Variants in CADPS observed in about 807,000 individuals in gnomAD.
CADPS encodes calcium-dependent secretion activator 1.
CADPS carries 57 observed loss-of-function variants against 167.3 expected under a neutral mutation model. The ratio of observed to expected loss-of-function variants is 0.34; its 90% CI spans 0.28 to 0.42. CADPS has a LOEUF of 0.42. CADPS is among the 20% of genes least tolerant of loss of function. The probability of loss-of-function intolerance (pLI) is 1.00; values close to 1 mark genes in which losing one functional copy is unlikely to be tolerated. For synonymous variants in CADPS, 676 were observed against 635.3 expected, an observed-to-expected ratio of 1.06 and a Z score of -0.96; for missense variants, 1,414 against 1,738.1, an observed-to-expected ratio of 0.81 and a Z score of 3.32.
At chr3:62,728,484 T>C (rs1360535522) in intron 3 of CADPS, among the ~76,000 whole-genome samples, 1 of 151,940 alleles carries the variant, frequency 6.6e-6, no homozygotes, top group Non-Finnish European at 1.5e-5. Context: ...TCTGACTATA[T>C]CTTCATTTCC....
intron 1 of CADPS, among the ~76,000 whole-genome samples, chr3:62,819,728 T>C (rs2094809565): frequency 1.3e-5 from 2 of 152,172 alleles, no homozygotes; most frequent in Non-Finnish European, 2.9e-5. Context: ...ATTTTAAAAA[T>C]CCTGGACATC....
At chr3:62,610,921 T>C (rs2061421678) in intron 6 of CADPS, among the ~76,000 whole-genome samples, 1 of 151,986 alleles carries the variant, frequency 6.6e-6, no homozygotes, top group Admixed American at 6.6e-5. Flanking sequence ...CAGAATACAT[T>C]TGCAGTGTCT....
chr3:62,803,558 A>T (rs969786073), intron 1 of CADPS, among the ~76,000 whole-genome samples: 2 of 151,990 alleles, frequency 1.3e-5, no homozygotes, highest in African/African-American at 4.8e-5. Context: ...CAGTGGGGAG[A>T]TGAGAAACCC....
intron 16 of CADPS, 143 bp downstream of exon 16, chr3:62,515,916 C>A (rs1012807131): frequency 8.9e-5 from 83 of 931,464 alleles, no homozygotes; most frequent in Non-Finnish European, 1.2e-4. Context: ...AAGGAAACTT[C>A]GACATTTCAG....
At chr3:62,445,043 G>A (rs2056975942) in intron 27 of CADPS, among the ~76,000 whole-genome samples, 1 of 151,956 alleles carries the variant, frequency 6.6e-6, no homozygotes, top group Non-Finnish European at 1.5e-5. Context: ...ATTTTATTTT[G>A]CTAATAGGCA....
At chr3:62,532,715 CTTTG>C (rs776901862) in intron 13 of CADPS, among the ~76,000 whole-genome samples, 152 bp downstream of exon 13, 862 of 66,144 alleles carry the variant, frequency 0.013, 6 homozygotes, top group African/African-American at 0.044. Context: ...AGTTAGTGCC[CTTTG>C]TGTGTGTGTG....
chr3:62,480,481 A>G (rs1289155876), intron 22 of CADPS, among the ~76,000 whole-genome samples: 1 of 152,182 alleles, frequency 6.6e-6, no homozygotes. Context: ...CACATTGACC[A>G]TATGATTTTA....
chr3:62,782,466 A>G (rs1559596046), intron 1 of CADPS, among the ~76,000 whole-genome samples: 1 of 152,246 alleles, frequency 6.6e-6, no homozygotes, highest in Non-Finnish European at 1.5e-5. Context: ...CATGAGGCCC[A>G]ATGGATGACA....
intron 6 of CADPS, among the ~76,000 whole-genome samples, chr3:62,614,982 C>T (rs2062036616): frequency 6.6e-6 from 1 of 152,152 alleles, no homozygotes; most frequent in South Asian, 2.1e-4. Context: ...GTGTCAGATA[C>T]CATTGAGAGC....
intron 3 of CADPS, among the ~76,000 whole-genome samples, chr3:62,697,684 T>C (rs527384429): frequency 1.3e-5 from 2 of 152,262 alleles, no homozygotes; most frequent in Admixed American, 6.5e-5. Context: ...ATCTGCACAC[T>C]GGCTTCCGTA....
intron 3 of CADPS, among the ~76,000 whole-genome samples, chr3:62,705,429 A>G (rs2082142364): frequency 6.6e-6 from 1 of 152,134 alleles, no homozygotes; most frequent in Admixed American, 6.5e-5. Flanking sequence ...TTGAGTGTCA[A>G]CTTGATTGGA....
intron 1 of CADPS, among the ~76,000 whole-genome samples, chr3:62,849,293 G>T (rs1459481455): frequency 6.8e-6 from 1 of 147,378 alleles, no homozygotes; most frequent in Non-Finnish European, 1.5e-5. Flanking sequence ...GATTGCCCTG[G>T]CCAGAACTTC....
intron 1 of CADPS, among the ~76,000 whole-genome samples, chr3:62,795,339 C>T (rs1466937265): frequency 6.6e-6 from 1 of 152,090 alleles, no homozygotes; most frequent in East Asian, 1.9e-4. Flanking sequence ...CCCCAGAGTA[C>T]TTACCATTAA....
intron 13 of CADPS, among the ~76,000 whole-genome samples, chr3:62,527,930 T>C (rs2072708466): frequency 6.6e-6 from 1 of 152,110 alleles, no homozygotes; most frequent in South Asian, 2.1e-4. Context: ...GTCATGCTGG[T>C]GAAAGGTTTG....
At position 62,474,250 on chromosome 3, in the gene CADPS, T is replaced by C. The variant is rs199647496; in HGVS notation, c.3400A>G (p.Ile1134Val). ...ACCATAACATTAAACATGGTGCATATTGACTGTGGGACTCGAAAATCTGTT... is the reference window on the plus strand; with the variant it reads ...ACCATAACATTAAACATGGTGCATACTGACTGTGGGACTCGAAAATCTGTT... The part of the protein sequence containing the change: ...RSTDFRVPQS[I>V]CTMFNVMVDA... Residue 1134 changes from isoleucine to valine, a missense_variant, in exon 24 of 30, where the codon ATA (isoleucine) becomes GTA (valine). This residue lies in a region of CADPS where 19 missense variants were observed against 49.4 expected (regional missense o/e 0.38). Coordinates refer to ENST00000383710, the MANE Select transcript of CADPS (RefSeq NM_003716.4). 7 of 1,599,842 alleles carry C rather than the reference T, an allele frequency of 4.4e-6. No individual in the cohort carries two copies. Among genetic ancestry groups the C allele is most frequent in the Middle Eastern group, 1.7e-4 (1 of 5,996 alleles).
intron 1 of CADPS, among the ~76,000 whole-genome samples, chr3:62,847,175 T>A (rs1559902799): frequency 6.6e-6 from 1 of 152,024 alleles, no homozygotes. Context: ...TTTTTTCTTA[T>A]CAACCTGAGA....
intron 1 of CADPS, among the ~76,000 whole-genome samples, chr3:62,840,273 G>T (rs7646467): frequency 0.25 from 37,923 of 151,992 alleles, 5,844 homozygotes; most frequent in East Asian, 0.47. Flanking sequence ...AAATGAAATT[G>T]TCTATGAAAC....
intron 2 of CADPS, 137 bp downstream of exon 2, chr3:62,765,734 C>T (rs969878985): frequency 4.6e-5 from 25 of 541,980 alleles, no homozygotes; most frequent in South Asian, 8.7e-5. Flanking sequence ...AACATTGTAA[C>T]GAATCACCAA....
chr3:62,677,003 T>C (rs1381836822), intron 3 of CADPS, among the ~76,000 whole-genome samples: 1 of 152,100 alleles, frequency 6.6e-6, no homozygotes, highest in African/African-American at 2.4e-5. Flanking sequence ...TAAGCTTCCT[T>C]ATCATTAATA....
Sources: allele counts gnomAD v4.1 joint callset (sites outside exome capture counted in the v4.1 genomes callset), GRCh38; gene constraint gnomAD v4.1.1; regional missense constraint gnomAD v4.1.1; transcripts MANE v1.5; gene names NCBI Gene and HGNC (gene_info 2026-07-23, HGNC 2026-07-21).